Variants in MAGI3 observed in about 807,000 individuals in gnomAD.
MAGI3 encodes the protein membrane-associated guanylate kinase, WW and PDZ domain-containing protein 3.
A neutral mutation model predicts 121.8 loss-of-function variants in MAGI3; 43 were observed. That is an observed-to-expected ratio of 0.35 (90% confidence interval 0.28 to 0.46). MAGI3 has a LOEUF of 0.46. Among genes scored for constraint, MAGI3 ranks in the 20% least tolerant of loss-of-function variants. The probability of loss-of-function intolerance (pLI) is 1.00; values close to 1 mark genes in which losing one functional copy is unlikely to be tolerated. For synonymous variants in MAGI3, 553 were observed against 639.3 expected (o/e 0.86, Z 2.04); for missense variants, 1,547 against 1,797.3 (o/e 0.86, Z 2.52).
At chr1:113,398,302 A>C (rs549742395) in intron 1 of MAGI3, among the ~76,000 whole-genome samples, 4 of 152,342 alleles carry the variant, frequency 2.6e-5, no homozygotes, top group African/African-American at 7.2e-5. Flanking sequence ...ATGAAGGGTT[A>C]AACTTTTTTG....
chr1:113,442,523 A>G (rs926746691), intron 1 of MAGI3, among the ~76,000 whole-genome samples: 2 of 152,124 alleles, frequency 1.3e-5, no homozygotes, highest in Non-Finnish European at 2.9e-5. Flanking sequence ...TGGTTAACCC[A>G]TTAGAGTCTT....
At chr1:113,673,053 C>T (rs950568211) in intron 18 of MAGI3, among the ~76,000 whole-genome samples, 4 of 152,184 alleles carry the variant, frequency 2.6e-5, no homozygotes, top group Non-Finnish European at 4.4e-5. Context: ...TCAAACGCTA[C>T]TTAAAGGAAG....
intron 1 of MAGI3, among the ~76,000 whole-genome samples, chr1:113,406,645 G>C (rs769659291): frequency 6.6e-6 from 1 of 152,006 alleles, no homozygotes; most frequent in African/African-American, 2.4e-5. Flanking sequence ...GAGTGTGGTG[G>C]CACAGGCTTA....
chr1:113,619,823 A>G lies in MAGI3; in HGVS notation c.1164A>G (p.Ser388=). The G allele has an allele frequency of 6.2e-7, 1 of 1,605,478 alleles. No homozygotes were observed. The highest frequency in any genetic ancestry group is 8.5e-7 in the Non-Finnish European group (1 of 1,173,156). ...TAGGACAGGTTGAAATTGGGTCTTC[A>G]AAACCAGGTAAGCATTCTTTTCAAT... ...KQLGQVEIGS[S]KPDMEKSHFT... The change falls in exon 8 of 21, where the codon TCA becomes TCG. Residue 388 remains serine, a synonymous_variant. Coordinates refer to ENST00000307546, the MANE Select transcript of MAGI3 (RefSeq NM_001142782.2).
chr1:113,617,513 A>G (rs1376484578), intron 7 of MAGI3, among the ~76,000 whole-genome samples: 1 of 152,152 alleles, frequency 6.6e-6, no homozygotes, highest in Non-Finnish European at 1.5e-5. Context: ...GAAGACAATA[A>G]CTTCCTTCAG....
rs191466491 is a variant in MAGI3 at position 113,659,036 on chromosome 1, G to C, written c.2630-44G>C. On this transcript the variant is annotated intron_variant, in intron 15 of 20. Transcript: ENST00000307546. Reference sequence around the variant, plus strand: ...GTTGATTATAAATCTAACACTAGCAGAAATCTTAAATAATTGAAAAACCTG... The same window carrying C: ...GTTGATTATAAATCTAACACTAGCACAAATCTTAAATAATTGAAAAACCTG... The C allele has an allele frequency of 4.2e-4, 611 of 1,460,996 alleles. 5 individuals carry two copies. The East Asian group carries it at 0.012, about 30-fold the overall frequency. 90.5% of individuals were successfully genotyped at this position (1,460,996 alleles called of 1,614,324 possible). A position where few individuals can be genotyped will look rare whatever the true frequency, so the allele number is the denominator to read the frequency against.
At chr1:113,565,888 C>A (rs1288877608) in intron 2 of MAGI3, among the ~76,000 whole-genome samples, 1 of 152,182 alleles carries the variant, frequency 6.6e-6, no homozygotes, top group Non-Finnish European at 1.5e-5. Flanking sequence ...GAAATATCAA[C>A]CTTAACCTTT....
At chr1:113,493,792 G>A (rs1656780840) in intron 1 of MAGI3, among the ~76,000 whole-genome samples, 1 of 152,184 alleles carries the variant, frequency 6.6e-6, no homozygotes, top group Admixed American at 6.5e-5. Context: ...AATTACTAGA[G>A]AAGTGCAAAT....
At chr1:113,620,407 A>C (rs1570951248) in intron 8 of MAGI3, among the ~76,000 whole-genome samples, 1 of 152,228 alleles carries the variant, frequency 6.6e-6, no homozygotes, top group South Asian at 2.1e-4. Flanking sequence ...CATTCTACTT[A>C]TCCCTCCCCA....
intron 1 of MAGI3, among the ~76,000 whole-genome samples, chr1:113,429,726 A>G (rs1653205887): frequency 6.6e-6 from 1 of 152,198 alleles, no homozygotes; most frequent in Admixed American, 6.5e-5. Context: ...GACCAGTCAG[A>G]GGTACTTTCA....
chr1:113,550,254 C>CAAA (rs200738964), intron 2 of MAGI3, among the ~76,000 whole-genome samples: 9,270 of 136,854 alleles, frequency 0.068, 329 homozygotes, highest in Non-Finnish European at 0.077. Context: ...ACTAAAAATA[C>CAAA]AAAAAAAAAA....
intron 1 of MAGI3, among the ~76,000 whole-genome samples, chr1:113,521,594 G>A (rs1437396099): frequency 1.3e-5 from 2 of 151,612 alleles, no homozygotes; most frequent in African/African-American, 4.8e-5. Flanking sequence ...TTTTAGTAGA[G>A]ACGGGGTTTC....
intron 10 of MAGI3, among the ~76,000 whole-genome samples, chr1:113,642,776 A>G (rs1438480997): frequency 1.3e-5 from 2 of 152,200 alleles, no homozygotes; most frequent in Non-Finnish European, 2.9e-5. Context: ...TCATGGCTTT[A>G]ATGATTAGAG....
chr1:113,433,196 G>A (rs181242473), intron 1 of MAGI3, among the ~76,000 whole-genome samples: 8 of 152,246 alleles, frequency 5.3e-5, no homozygotes, highest in Non-Finnish European at 4.4e-5. Context: ...GATGGAACAT[G>A]AGGCTGACAG....
chr1:113,580,505 T>A (rs771065582), intron 2 of MAGI3, 37 bp from the exon 3 acceptor site: 12 of 1,575,564 alleles, frequency 7.6e-6, no homozygotes, highest in Non-Finnish European at 9.5e-6. Flanking sequence ...AGTTTAAAAG[T>A]ACTTTACAAC....
At position 113,609,290 on chromosome 1, in the gene MAGI3, A is replaced by G. The variant is rs142693518; in HGVS notation, c.1019-5311A>G. 5.0e-3 allele frequency among the ~76,000 whole-genome samples: 764 copies of G among 152,314 alleles called. 4 individuals carry two copies. Among genetic ancestry groups the G allele is most frequent in the African/African-American group, 0.018 (737 of 41,580 alleles). On this transcript the variant is annotated intron_variant, in intron 6 of 20. Transcript: ENST00000307546. ...GAATAATATTTTAAGTGTAGGTTTT[A>G]TAGGTTAAGATATTGTTTACATTCT...
intron 1 of MAGI3, among the ~76,000 whole-genome samples, chr1:113,484,063 G>T (rs577714655): frequency 1.3e-5 from 2 of 152,188 alleles, no homozygotes; most frequent in East Asian, 3.9e-4. Context: ...CCAGTTTTCA[G>T]ATTTAGAAAT....
At chr1:113,607,707 G>A (rs1649866772) in intron 6 of MAGI3, among the ~76,000 whole-genome samples, 1 of 152,010 alleles carries the variant, frequency 6.6e-6, no homozygotes. Flanking sequence ...TTACTAAAAA[G>A]GCTACATGAT....
intron 9 of MAGI3, among the ~76,000 whole-genome samples, chr1:113,640,502 G>A (rs547355046): frequency 6.6e-6 from 1 of 152,118 alleles, no homozygotes; most frequent in Non-Finnish European, 1.5e-5. Context: ...ATGATAGATT[G>A]CATAAGGAAA....
Sources: allele counts gnomAD v4.1 joint callset (sites outside exome capture counted in the v4.1 genomes callset), GRCh38; gene constraint gnomAD v4.1.1; transcripts MANE v1.5; gene names NCBI Gene and HGNC (gene_info 2026-07-23, HGNC 2026-07-21).